The following GLIS2 variants were observed in gnomAD, a reference collection of about 807,000 sequenced individuals.
GLIS2 encodes zinc finger protein GLIS2.
GLIS2 carries 14 observed loss-of-function variants against 35.6 expected under a neutral mutation model. That is an observed-to-expected ratio of 0.39 (90% CI 0.26 to 0.61). GLIS2 has a LOEUF of 0.61. Among genes scored for constraint, GLIS2 ranks in the 20% least tolerant of loss-of-function variants. GLIS2 has a pLI of 0.48. For synonymous variants in GLIS2, 368 were observed against 325.1 expected (o/e 1.13, Z -1.42); for missense variants, 675 against 713.4 (o/e 0.95, Z 0.61).
At chr16:4,321,685 T>C (rs2053381475) in intron 1 of GLIS2, among the ~76,000 whole-genome samples, 1 of 152,138 alleles carries the variant, frequency 6.6e-6, no homozygotes, top group South Asian at 2.1e-4. Flanking sequence ...CCGTGGGAAC[T>C]GGGGCAGGGG....
At position 4,337,065 on chromosome 16, in the gene GLIS2, A is replaced by G. The variant is rs1370922187; in HGVS notation, c.1116A>G (p.Leu372=). Residue 372 remains leucine (L), a synonymous_variant, in exon 7 of 7, where the codon CTA becomes CTG. Coordinates refer to ENST00000433375, the MANE Select transcript of GLIS2 (RefSeq NM_032575.3). ...GCCCTGGCCTGCCCGGCTTACCCCT[A>G]CCCCTGGCCCCCGGCCCCCTTGACC... ...FGGPGLPGLP[L]PLAPGPLDLS... is the part of the protein sequence containing the mutation. 1.3e-6 allele frequency: 2 copies of G among 1,549,552 alleles called. No homozygotes were observed. The highest frequency in any genetic ancestry group is 1.7e-6 in the Non-Finnish European group (2 of 1,153,156).
chr16:4,330,369 G>A (rs1042999191), intron 1 of GLIS2, among the ~76,000 whole-genome samples: 2 of 152,250 alleles, frequency 1.3e-5, no homozygotes, highest in Non-Finnish European at 1.5e-5. Context: ...ACCATCTCCA[G>A]TAAAAAATAA....
chr16:4,317,232 C>T (rs894397617), intron 1 of GLIS2, among the ~76,000 whole-genome samples: 1 of 152,188 alleles, frequency 6.6e-6, no homozygotes, highest in Non-Finnish European at 1.5e-5. Context: ...CATCACAGCC[C>T]AGGATCTTGG....
At position 4,320,719 on chromosome 16, in the gene GLIS2, C is replaced by A. The variant is rs942108326; in HGVS notation, c.-67+4465C>A. ...GGGCCACTCCCACCTTCATCCAGAG[C>A]CCCCATTCCCCACCCCAACTTCCAG... On this transcript the variant is annotated intron_variant, in intron 1 of 6. Transcript: ENST00000433375. The surrounding 1 kb of genome is among the most constrained non-coding windows in gnomAD (Gnocchi z 5.6). Among the ~76,000 whole-genome samples the A allele has an allele frequency of 1.3e-5, 2 of 152,152 alleles. No homozygotes were observed. The highest frequency in any genetic ancestry group is 6.5e-5 in the Admixed American group (1 of 15,280).
upstream of GLIS2, among the ~76,000 whole-genome samples, chr16:4,315,689 G>T (rs2053301147): frequency 6.7e-6 from 1 of 150,190 alleles, no homozygotes; most frequent in East Asian, 2.0e-4. Context: ...GCGTGAGGAT[G>T]GGGCCGAGGA....
In GLIS2 at chr16:4,320,063, T is replaced by C. The variant is rs893120846; in HGVS notation, c.-67+3809T>C. 6.6e-6 allele frequency among the ~76,000 whole-genome samples: 1 copy of C among 151,976 alleles called. No individual in the cohort carries two copies. The highest frequency in any genetic ancestry group is 2.4e-5 in the African/African-American group (1 of 41,390). On this transcript the variant is annotated intron_variant, in intron 1 of 6. Transcript: ENST00000433375. The surrounding 1 kb of genome is among the most constrained non-coding windows in gnomAD (Gnocchi z 5.6). ...TTCGATGGCTGGGGGGCGGGTGACTTGGGCTCCTCGTGCCCTTTGTCTTCG... is the reference window on the plus strand; with the variant it reads ...TTCGATGGCTGGGGGGCGGGTGACTCGGGCTCCTCGTGCCCTTTGTCTTCG...
intron 3 of GLIS2, among the ~76,000 whole-genome samples, chr16:4,334,015 T>C (rs1267988610): frequency 1.3e-5 from 2 of 152,168 alleles, no homozygotes; most frequent in African/African-American, 4.8e-5. Flanking sequence ...GGATCTCAGC[T>C]CACTGCAACC....
chr16:4,316,299 C>CGGGGG (rs1293109635), intron 1 of GLIS2, among the ~76,000 whole-genome samples, 45 bp downstream of exon 1: 1 of 53,018 alleles, frequency 1.9e-5, no homozygotes, highest in African/African-American at 5.4e-5. Flanking sequence ...CGGGCCGGGG[C>CGGGGG]GGGGGGGGGG....
In GLIS2 at chr16:4,328,743, G is replaced by A. The variant is rs115108745; in HGVS notation, c.-66-3472G>A. On this transcript the variant is annotated intron_variant, in intron 1 of 6. Coordinates refer to ENST00000433375, the MANE Select transcript of GLIS2 (RefSeq NM_032575.3). ...AGTCCTCCCTCTGGCTTTGGGCCGT[G>A]TGGCTGGCCCCACCTGGGGAGACAG... Among the ~76,000 whole-genome samples the A allele has an allele frequency of 4.5e-3, 683 of 152,308 alleles. 1 individual carries two copies. The highest frequency in any genetic ancestry group is 0.015 in the African/African-American group (616 of 41,552).
chr16:4,331,507 C>T (rs1220484078), intron 1 of GLIS2: 1 of 152,580 alleles, frequency 6.6e-6, no homozygotes, highest in Non-Finnish European at 1.5e-5. Flanking sequence ...CCCCTGATTT[C>T]CCACCCCACA....
At chr16:4,316,748 C>T (rs1378050692) in intron 1 of GLIS2, among the ~76,000 whole-genome samples, 1 of 152,164 alleles carries the variant, frequency 6.6e-6, no homozygotes, top group Admixed American at 6.5e-5. Flanking sequence ...CCCTCGCAAG[C>T]CCGGGTCCTT....
intron 6 of GLIS2, chr16:4,336,422 C>T (rs1186690872): frequency 7.1e-6 from 4 of 560,894 alleles, no homozygotes; most frequent in South Asian, 2.0e-5. Context: ...GCTGAAATTA[C>T]AGGCGTGAGC....
chr16:4,316,380 C>T (rs560055788), intron 1 of GLIS2, among the ~76,000 whole-genome samples, 126 bp downstream of exon 1: 1 of 148,600 alleles, frequency 6.7e-6, no homozygotes, highest in East Asian at 2.1e-4. Context: ...CGCCCCGGGC[C>T]ATTGTGAGCC....
intron 1 of GLIS2, chr16:4,325,153 C>T (rs2053417604): frequency 6.6e-6 from 1 of 152,330 alleles, no homozygotes; most frequent in East Asian, 1.9e-4. Flanking sequence ...CCAGCGCCCA[C>T]CCACTGCCTG....
chr16:4,319,943 T>C (rs546344887), intron 1 of GLIS2, among the ~76,000 whole-genome samples: 3 of 151,414 alleles, frequency 2.0e-5, no homozygotes, highest in South Asian at 4.2e-4. Context: ...CTGGGGGGCA[T>C]GGAGATGGGA....
At chr16:4,316,893 A>G (rs768705733) in intron 1 of GLIS2, among the ~76,000 whole-genome samples, 2 of 152,144 alleles carry the variant, frequency 1.3e-5, no homozygotes, top group Non-Finnish European at 2.9e-5. Flanking sequence ...CAAGGGGTCC[A>G]TACTCGCCGG....
chr16:4,330,196 G>C (rs536749893), intron 1 of GLIS2, among the ~76,000 whole-genome samples: 1 of 152,064 alleles, frequency 6.6e-6, no homozygotes, highest in East Asian at 1.9e-4. Context: ...ACAATCGCTT[G>C]AACTCGGGAG....
Position 4,337,898 on chromosome 16 carries a change from T to C in GLIS2, c.*374T>C. The stretch of plus-strand genomic sequence containing the variant: ...AGTTGCCCTCTCCCAGCAGAGGGGG[T>C]GGGTGGGGTGGCATCTGCCCTCCCT... On this transcript the variant is annotated 3_prime_UTR_variant, in exon 7 of 7. Coordinates refer to ENST00000433375, the MANE Select transcript of GLIS2 (RefSeq NM_032575.3). The C allele has an allele frequency of 2.5e-6, 1 of 393,830 alleles. No homozygotes were observed. The highest frequency in any genetic ancestry group is 4.8e-6 in the Non-Finnish European group (1 of 209,692). The allele number at this position is 393,830 out of a possible 1,614,324, so 24.4% of individuals were successfully genotyped here. A position where few individuals can be genotyped will look rare whatever the true frequency, so the allele number is the denominator to read the frequency against.
intron 1 of GLIS2, among the ~76,000 whole-genome samples, chr16:4,318,881 G>A (rs1056981475): frequency 3.3e-5 from 5 of 152,254 alleles, no homozygotes; most frequent in Admixed American, 3.3e-4. Flanking sequence ...TTGGACCAGG[G>A]GGTGAGGGCC....
Sources: gnomAD v4.1 joint callset for allele counts (sites outside exome capture counted in the v4.1 genomes callset) on GRCh38, gnomAD v4.1.1 for gene constraint, Gnocchi (gnomAD v3.1) non-coding constraint, MANE v1.5 for transcripts, NCBI Gene and HGNC (gene_info 2026-07-23, HGNC 2026-07-21) for gene names.